ZNF76: variants seen among roughly 807,000 people sequenced by gnomAD.
The protein encoded by ZNF76 is zinc finger protein 523.
Under a neutral mutation model 66.9 loss-of-function variants are expected in ZNF76, and 66 were observed. That is an observed-to-expected ratio of 0.99 (90% CI 0.81 to 1.21). The LOEUF is 1.21. Ranked by LOEUF, ZNF76 falls within the 50% of genes most tolerant of loss-of-function variation. The pLI is 0.00. For missense variants in ZNF76, 729 were observed against 760.3 expected (o/e 0.96, Z 0.48); for synonymous variants, 275 against 296.1 (o/e 0.93, Z 0.73).
At chr6:35,278,916 C>T (rs1455399421) in intron 1 of ZNF76, among the ~76,000 whole-genome samples, 12 of 152,186 alleles carry the variant, frequency 7.9e-5, no homozygotes, top group Non-Finnish European at 1.5e-4. Context: ...AGAAACCAGG[C>T]TAGAGCCCAA....
intron 12 of ZNF76, 82 bp downstream of exon 12, chr6:35,293,997 G>A: frequency 6.7e-7 from 1 of 1,502,944 alleles, no homozygotes; most frequent in Non-Finnish European, 9.0e-7. Context: ...GCCTAAACTA[G>A]TCAAGTCTTC....
chr6:35,292,192 T>A lies in ZNF76; in HGVS notation c.932-362T>A. On this transcript the variant is annotated intron_variant, in intron 9 of 13. Coordinates refer to ENST00000373953, the MANE Select transcript of ZNF76 (RefSeq NM_003427.5). The surrounding 1 kb of genome is among the most constrained non-coding windows in gnomAD (Gnocchi z 4.7). ...TGTGTCTCAGCATGTGTGTCCCCTC[T>A]TTCCCATCACAACTGATACTTCAGT... is the stretch of plus-strand genomic sequence containing the variant. The A allele has an allele frequency of 2.4e-6, 1 of 418,342 alleles. No homozygotes were observed. The highest frequency in any genetic ancestry group is 2.4e-5 in the South Asian group (1 of 41,258). The allele number at this position is 418,342 out of a possible 1,614,324, so 25.9% of individuals were successfully genotyped here.
chr6:35,265,378 G>T (rs866721335), intron 1 of ZNF76, among the ~76,000 whole-genome samples: 25 of 151,946 alleles, frequency 1.6e-4, no homozygotes, highest in African/African-American at 6.0e-4. Flanking sequence ...GTGGTGGCAG[G>T]CACCTGTAAT....
At chr6:35,267,788 G>C (rs1056090748) in intron 1 of ZNF76, among the ~76,000 whole-genome samples, 1 of 152,182 alleles carries the variant, frequency 6.6e-6, no homozygotes, top group Non-Finnish European at 1.5e-5. Flanking sequence ...AACAGTGAAC[G>C]TGCATGTCAA....
intron 1 of ZNF76, among the ~76,000 whole-genome samples, chr6:35,268,928 C>G (rs1353112250): frequency 6.6e-6 from 1 of 152,106 alleles, no homozygotes; most frequent in Non-Finnish European, 1.5e-5. Context: ...AGCTATCAGT[C>G]AAGATATAGA....
rs1442333278 is a variant in ZNF76 at position 35,294,537 on chromosome 6, G to T, written c.1576G>T (p.Ala526Ser). 1 of 1,613,772 alleles carries T rather than the reference G, an allele frequency of 6.2e-7. No individual in the cohort carries two copies. Residue 526 changes from alanine (A) to serine (S), a missense_variant, in exon 13 of 14, where the codon GCC becomes TCC. Coordinates refer to ENST00000373953, the MANE Select transcript of ZNF76 (RefSeq NM_003427.5). ...SLRHQQVALLATANGTHIAVQ... is the reference protein window; with the variant it reads ...SLRHQQVALLSTANGTHIAVQ... ...TCGTCATCAACAGGTGGCACTGTTG[G>T]CCACAGCCAACGGAACGCACATTGC...
intron 1 of ZNF76, among the ~76,000 whole-genome samples, chr6:35,264,317 G>A (rs1045197928): frequency 1.3e-5 from 2 of 152,208 alleles, no homozygotes; most frequent in African/African-American, 4.8e-5. Flanking sequence ...GGGTGTAAGT[G>A]CTTTTCTTTT....
At chr6:35,283,373 C>T (rs563340305) in intron 2 of ZNF76, among the ~76,000 whole-genome samples, 1 of 152,340 alleles carries the variant, frequency 6.6e-6, no homozygotes, top group South Asian at 2.1e-4. Context: ...TCCTCTGAAG[C>T]TTTTGACTGA....
chr6:35,260,011 C>T (rs1464341752), intron 1 of ZNF76, among the ~76,000 whole-genome samples, 170 bp downstream of exon 1: 2 of 151,878 alleles, frequency 1.3e-5, no homozygotes, highest in African/African-American at 4.8e-5. Flanking sequence ...GGGTCCCTGC[C>T]CCTCTTTTCC....
At chr6:35,294,046 C>G (rs1790829228) in intron 12 of ZNF76, 131 bp downstream of exon 12, 1 of 1,095,040 alleles carries the variant, frequency 9.1e-7, no homozygotes. Flanking sequence ...AAGGGGTCTT[C>G]CCCACAGTTC....
intron 1 of ZNF76, among the ~76,000 whole-genome samples, chr6:35,276,000 G>C (rs1201826388): frequency 1.3e-5 from 2 of 152,208 alleles, no homozygotes; most frequent in Non-Finnish European, 2.9e-5. Flanking sequence ...CAGCCAGCCT[G>C]GCTTTGAATT....
intron 11 of ZNF76, among the ~76,000 whole-genome samples, chr6:35,293,472 T>C (rs1248173828): frequency 6.6e-6 from 1 of 152,214 alleles, no homozygotes; most frequent in Non-Finnish European, 1.5e-5. Flanking sequence ...CTGTGCTTTC[T>C]AGAGTTGTTA....
rs2150369005 is a variant in ZNF76 at position 35,287,719 on chromosome 6, G to A, written c.306G>A (p.Val102=). The A allele has an allele frequency of 6.2e-7, 1 of 1,614,230 alleles. No homozygotes were observed. Among genetic ancestry groups the A allele is most frequent in the Non-Finnish European group, 8.5e-7 (1 of 1,180,032 alleles). ...DGSTAYIHHP[V]AVPSESTILA... ...CCACTGCCTACATTCACCACCCTGTGGCTGTGCCATCGGAGAGCACCATCC... is the reference window on the plus strand; with the variant it reads ...CCACTGCCTACATTCACCACCCTGTAGCTGTGCCATCGGAGAGCACCATCC... Residue 102 remains valine, a synonymous_variant, in exon 5 of 14, where the codon GTG becomes GTA. Coordinates refer to ENST00000373953, the MANE Select transcript of ZNF76 (RefSeq NM_003427.5). The surrounding 1 kb of genome is among the most constrained non-coding windows in gnomAD (Gnocchi z 4.0).
intron 1 of ZNF76, among the ~76,000 whole-genome samples, chr6:35,261,981 AAG>A (rs1256353549): frequency 1.3e-5 from 2 of 152,190 alleles, no homozygotes; most frequent in East Asian, 3.8e-4. Context: ...CAGATTTAAT[AAG>A]AGAAGATTAT....
intron 11 of ZNF76, 45 bp from the exon 12 acceptor site, chr6:35,293,706 A>G (rs369572649): frequency 3.7e-6 from 6 of 1,602,342 alleles, no homozygotes; most frequent in Non-Finnish European, 5.1e-6. Context: ...CTTTCAGACA[A>G]CCCTCCACTG....
chr6:35,291,666 G>T lies in ZNF76; in HGVS notation c.860G>T (p.Cys287Phe). 6.2e-7 allele frequency: 1 copy of T among 1,613,834 alleles called. No homozygotes were observed. Among genetic ancestry groups the T allele is most frequent in the Non-Finnish European group, 8.5e-7 (1 of 1,180,008 alleles). ...CACACAGGCGAGAGGCCCTACACCT[G>T]CCCGGAGCCCCACTGTGGCCGCGGC... ...RTHTGERPYTCPEPHCGRGFT... is the reference protein window; with the variant it reads ...RTHTGERPYTFPEPHCGRGFT... Residue 287 changes from cysteine to phenylalanine, a missense_variant, in exon 9 of 14, where the codon TGC (cysteine) becomes TTC (phenylalanine). Transcript: ENST00000373953.
chr6:35,287,467 T>C lies in ZNF76; in HGVS notation c.233-179T>C, dbSNP rs560886082. Among the ~76,000 whole-genome samples, 1 of 152,274 alleles carries C rather than the reference T, an allele frequency of 6.6e-6. No individual in the cohort carries two copies. The highest frequency in any genetic ancestry group is 1.9e-4 in the East Asian group (1 of 5,178). ...TAGTGTACCATAGGAGACCTCATCC[T>C]TAGGTGAGACAGCTGCAGAAGGAGG... On this transcript the variant is annotated intron_variant, in intron 4 of 13. Transcript: ENST00000373953. This position sits in a 1 kb window ranked among gnomAD's most constrained non-coding sequence, Gnocchi z 4.0.
chr6:35,288,432 C>T (rs1305035327), intron 5 of ZNF76: 5 of 334,458 alleles, frequency 1.5e-5, no homozygotes, highest in African/African-American at 1.1e-4. Context: ...TTCTTTCTGC[C>T]GAAACCATGG....
At chr6:35,281,501 T>C (rs1379579670) in intron 2 of ZNF76, among the ~76,000 whole-genome samples, 14 of 152,252 alleles carry the variant, frequency 9.2e-5, no homozygotes, top group Admixed American at 8.5e-4. Context: ...ATTTCTGGAA[T>C]GAACACAGTG....
Sources: gnomAD v4.1 joint callset for allele counts (sites outside exome capture counted in the v4.1 genomes callset) on GRCh38, gnomAD v4.1.1 for gene constraint, Gnocchi (gnomAD v3.1) non-coding constraint, MANE v1.5 for transcripts, NCBI Gene and HGNC (gene_info 2026-07-23, HGNC 2026-07-21) for gene names.